RCSD1: variants seen among roughly 807,000 people sequenced by gnomAD.
RCSD1 encodes capZ-interacting protein.
RCSD1 carries 26 observed loss-of-function variants against 42.5 expected under a neutral mutation model. The ratio of observed to expected loss-of-function variants is 0.61; its 90% CI spans 0.45 to 0.85. RCSD1 has a LOEUF of 0.85. Among genes scored for constraint, RCSD1 ranks in the 40% least tolerant of loss-of-function variants. The pLI, the probability that RCSD1 is intolerant of heterozygous loss-of-function variation, is 0.00. For synonymous variants in RCSD1, 220 were observed against 212.2 expected, an observed-to-expected ratio of 1.04 and a Z score of -0.32; for missense variants, 571 against 528.3, an observed-to-expected ratio of 1.08 and a Z score of -0.79.
chr1:167,658,740 C>T (rs1469290959), intron 1 of RCSD1, among the ~76,000 whole-genome samples: 2 of 152,012 alleles, frequency 1.3e-5, no homozygotes, highest in African/African-American at 4.8e-5. Context: ...CTAGTTCATT[C>T]TTTTTAATGG....
chr1:167,697,675 A>G lies in RCSD1; in HGVS notation c.1051A>G (p.Ser351Gly), dbSNP rs1279441739. 1.9e-6 allele frequency: 3 copies of G among 1,605,256 alleles called. No individual in the cohort carries two copies. The highest frequency in any genetic ancestry group is 2.7e-5 in the African/African-American group (2 of 74,714). ...EGAAVKETPH[S>G]PPGGVKGGDV... ...AGCTGCAGTGAAGGAGACCCCCCAC[A>G]GTCCCCCTGGAGGAGTGAAGGGCGG... Residue 351 changes from serine (S) to glycine (G), a missense_variant, in exon 6 of 7, where the codon AGT (serine) becomes GGT (glycine). Physicochemically the swap from Ser to Gly is moderately conservative, Grantham distance 56. Transcript: ENST00000367854.
chr1:167,708,161 G>A lies in RCSD1; in HGVS notation c.*3465G>A, dbSNP rs1191551877. Among the ~76,000 whole-genome samples, 1 of 152,116 alleles carries A rather than the reference G, an allele frequency of 6.6e-6. No individual in the cohort carries two copies. The highest frequency in any genetic ancestry group is 1.5e-5 in the Non-Finnish European group (1 of 68,032). ...ACAACCAAGCAGATGCAGAGACTGC[G>A]TGCCCTCTCCTGGAGCTAGGAGCTA... On this transcript the variant is annotated 3_prime_UTR_variant, in exon 7 of 7. Coordinates refer to ENST00000367854, the MANE Select transcript of RCSD1 (RefSeq NM_052862.4).
intron 5 of RCSD1, among the ~76,000 whole-genome samples, chr1:167,696,717 T>G (rs1283662926): frequency 6.6e-6 from 1 of 152,178 alleles, no homozygotes; most frequent in African/African-American, 2.4e-5. Context: ...CCTCCCAAAG[T>G]GCTGGATTAC....
intron 1 of RCSD1, among the ~76,000 whole-genome samples, chr1:167,655,272 G>T (rs931729491): frequency 1.3e-5 from 2 of 152,188 alleles, no homozygotes; most frequent in African/African-American, 2.4e-5. Flanking sequence ...CCTGGGGAGG[G>T]TTGGCCCACA....
rs141677224 is a variant in RCSD1 at position 167,697,295 on chromosome 1, C to T, written c.671C>T (p.Ala224Val). The change falls in exon 6 of 7, where the codon GCG (alanine) becomes GTG (valine). Residue 224 changes from alanine to valine, a missense_variant. Transcript: ENST00000367854. The stretch of plus-strand genomic sequence containing the variant: ...TCCCCTTTGTCCAGTGAGGGAGCAG[C>T]GGGAGAGGGAGTGAGAACCCTGGGA... ...PGSPLSSEGAAGEGVRTLGPA... is the reference protein window; with the variant it reads ...PGSPLSSEGAVGEGVRTLGPA... The T allele has an allele frequency of 3.4e-5, 55 of 1,613,890 alleles. No homozygotes were observed. Among genetic ancestry groups the T allele is most frequent in the Middle Eastern group, 1.6e-4 (1 of 6,084 alleles).
chr1:167,632,760 T>C (rs1283504229), intron 1 of RCSD1, among the ~76,000 whole-genome samples: 1 of 141,320 alleles, frequency 7.1e-6, no homozygotes, highest in Non-Finnish European at 1.6e-5. Flanking sequence ...AGTTTCTTTG[T>C]CCAAATGCCT....
At chr1:167,696,464 T>C (rs1403236510) in intron 5 of RCSD1, among the ~76,000 whole-genome samples, 1 of 151,898 alleles carries the variant, frequency 6.6e-6, no homozygotes, top group Non-Finnish European at 1.5e-5. Context: ...TCTTTTTTTT[T>C]TTTTTAATGC....
At chr1:167,650,985 G>A (rs1176442929) in intron 1 of RCSD1, among the ~76,000 whole-genome samples, 1 of 152,220 alleles carries the variant, frequency 6.6e-6, no homozygotes, top group Non-Finnish European at 1.5e-5. Context: ...GGTGTCAGCA[G>A]TGCTGGCTCC....
At chr1:167,653,224 T>G (rs1658352345) in intron 1 of RCSD1, among the ~76,000 whole-genome samples, 1 of 152,262 alleles carries the variant, frequency 6.6e-6, no homozygotes, top group Non-Finnish European at 1.5e-5. Context: ...GGTTGGTATT[T>G]TCTCCCATGC....
chr1:167,655,548 AC>A (rs769529420), intron 1 of RCSD1, among the ~76,000 whole-genome samples: 13 of 151,824 alleles, frequency 8.6e-5, no homozygotes, highest in Admixed American at 8.5e-4. Flanking sequence ...GCCATCCCAA[AC>A]CCCCTCTGGG....
chr1:167,697,824 A>G lies in RCSD1; in HGVS notation c.1200A>G (p.Pro400=). 6.8e-7 allele frequency: 1 copy of G among 1,466,250 alleles called. No homozygotes were observed. The highest frequency in any genetic ancestry group is 9.0e-7 in the Non-Finnish European group (1 of 1,108,896). 90.8% of individuals were successfully genotyped at this position (1,466,250 alleles called of 1,614,324 possible). ...LETSSEVQSE[P]AVPKPEDDTP... ...CCAGCAGTGAGGTCCAGAGCGAGCC[A>G]GCAGTCCCCAAGCCGGAGGTAGGTG... The change falls in exon 6 of 7, where the codon CCA becomes CCG. Residue 400 remains proline (P), a synonymous_variant. Coordinates refer to ENST00000367854, the MANE Select transcript of RCSD1 (RefSeq NM_052862.4).
At chr1:167,645,398 A>G (rs1658109022) in intron 1 of RCSD1, among the ~76,000 whole-genome samples, 1 of 152,200 alleles carries the variant, frequency 6.6e-6, no homozygotes, top group Non-Finnish European at 1.5e-5. Flanking sequence ...GTATCTCAAT[A>G]AGCTGGAGGT....
chr1:167,646,027 G>A (rs1323718858), intron 1 of RCSD1, among the ~76,000 whole-genome samples: 1 of 152,218 alleles, frequency 6.6e-6, no homozygotes, highest in Non-Finnish European at 1.5e-5. Context: ...GAAAGGCAAT[G>A]AAGCTGCGAA....
At chr1:167,678,830 C>T (rs1466181904) in intron 1 of RCSD1, among the ~76,000 whole-genome samples, 1 of 152,228 alleles carries the variant, frequency 6.6e-6, no homozygotes, top group South Asian at 2.1e-4. Flanking sequence ...CTTCTCTTTT[C>T]TCTGCCCCTC....
intron 1 of RCSD1, among the ~76,000 whole-genome samples, chr1:167,674,146 T>C (rs1297175827): frequency 6.6e-6 from 1 of 152,210 alleles, no homozygotes; most frequent in East Asian, 1.9e-4. Flanking sequence ...ATTAACTGAA[T>C]GAATGAATAA....
At chr1:167,675,003 A>G (rs12039422) in intron 1 of RCSD1, among the ~76,000 whole-genome samples, 43,488 of 151,800 alleles carry the variant, frequency 0.29, 7,008 homozygotes, top group East Asian at 0.39. Flanking sequence ...TCAGGAGATC[A>G]AGACCATCCT....
chr1:167,689,915 G>A, intron 3 of RCSD1, 134 bp from the exon 4 acceptor site: 1 of 762,626 alleles, frequency 1.3e-6, no homozygotes, highest in South Asian at 1.7e-5. Context: ...AATGAAGTAT[G>A]TGGGCTACTG....
chr1:167,649,753 TTCTA>T (rs1658258422), intron 1 of RCSD1, among the ~76,000 whole-genome samples: 1 of 152,240 alleles, frequency 6.6e-6, no homozygotes, highest in African/African-American at 2.4e-5. Context: ...GACAAGAATT[TTCTA>T]TCTAAGGCCT....
intron 1 of RCSD1, among the ~76,000 whole-genome samples, chr1:167,660,831 A>G (rs1006851870): frequency 6.6e-6 from 1 of 152,194 alleles, no homozygotes; most frequent in Non-Finnish European, 1.5e-5. Flanking sequence ...CTGGTCTGTC[A>G]ACTTCAATAC....
Sources: gnomAD v4.1 joint callset for allele counts (sites outside exome capture counted in the v4.1 genomes callset) on GRCh38, gnomAD v4.1.1 for gene constraint, MANE v1.5 for transcripts, NCBI Gene and HGNC (gene_info 2026-07-23, HGNC 2026-07-21) for gene names.